CCR10: variants seen among roughly 807,000 people sequenced by gnomAD.
CCR10 encodes the protein C-C chemokine receptor type 10.
Under a neutral mutation model 11.9 loss-of-function variants are expected in CCR10, and 11 were observed. The ratio of observed to expected loss-of-function variants is 0.92; its 90% CI spans 0.58 to 1.53. The LOEUF (loss-of-function observed/expected upper bound fraction) is 1.53, where lower values mean the gene tolerates loss of function less well. Ranked by LOEUF, CCR10 falls within the 40% of genes most tolerant of loss-of-function variation. The pLI, the probability that CCR10 is intolerant of heterozygous loss-of-function variation, is 0.00. For missense variants in CCR10, 428 were observed against 496.6 expected (o/e 0.86, Z 1.31); for synonymous variants, 224 against 245.4 (o/e 0.91, Z 0.81).
intron 1 of CCR10, chr17:42,681,484 G>T: frequency 2.1e-6 from 1 of 476,800 alleles, no homozygotes; most frequent in Non-Finnish European, 3.8e-6. Flanking sequence ...CACCTTCCCT[G>T]TACCTCCAAT....
At chr17:42,681,382 T>C in intron 1 of CCR10, 1 of 231,330 alleles carries the variant, frequency 4.3e-6, no homozygotes, top group South Asian at 5.7e-5. Flanking sequence ...CCTGGAAGGA[T>C]GCCCATATGC....
chr17:42,680,896 T>C (rs1359148936), intron 1 of CCR10, among the ~76,000 whole-genome samples: 1 of 152,184 alleles, frequency 6.6e-6, no homozygotes, highest in African/African-American at 2.4e-5. Context: ...GTTGAGATTA[T>C]AAATCCTGAC....
chr17:42,681,800 C>A lies in CCR10; in HGVS notation c.24G>T (p.Gln8His). The change falls in exon 1 of 2, where the codon CAG (glutamine) becomes CAT (histidine). Residue 8 changes from glutamine to histidine, a missense_variant and splice_region_variant. Coordinates refer to ENST00000332438, the MANE Select transcript of CCR10 (RefSeq NM_016602.3). ...TCCCCCTCCCTGCCCCCACTCCCAC[C>A]TGCTCTGTGGCCTCCGTCCCCATCT... MGTEATEQVSWGHYSGDE... is the reference protein window; with the variant it reads MGTEATEHVSWGHYSGDE... 2 of 1,611,708 alleles carry A rather than the reference C, an allele frequency of 1.2e-6. No homozygotes were observed. The highest frequency in any genetic ancestry group is 1.7e-6 in the Non-Finnish European group (2 of 1,177,888).
At position 42,680,204 on chromosome 17, in the gene CCR10, G is replaced by T; in HGVS notation, c.438C>A (p.Leu146=). The T allele has an allele frequency of 6.2e-7, 1 of 1,603,328 alleles. No individual in the cohort carries two copies. Among genetic ancestry groups the T allele is most frequent in the Non-Finnish European group, 8.5e-7 (1 of 1,175,706 alleles). ...ADRYVAIARA[L]PAGPRPSTPG... ...GAGTGGAGGGCCGCGGCCCGGCTGG[G>T]AGCGCTCGCGCGATGGCCACGTAGC... is the stretch of plus-strand genomic sequence containing the variant. The change falls in exon 2 of 2, where the codon CTC becomes CTA. Residue 146 remains leucine (L), a synonymous_variant. Transcript: ENST00000332438.
chr17:42,679,986 G>A lies in CCR10; in HGVS notation c.656C>T (p.Pro219Leu). ...VAQVALGFAL[P>L]LGVMVACYAL... ...GTAGCAGGCTACCATGACGCCCAGC[G>A]GCAGCGCGAAGCCCAGGGCCACCTG... Residue 219 changes from proline (P) to leucine (L), a missense_variant, in exon 2 of 2, where the codon CCG becomes CTG. By Grantham distance (98) the Pro-to-Leu change is moderately conservative. Coordinates refer to ENST00000332438, the MANE Select transcript of CCR10 (RefSeq NM_016602.3). The A allele has an allele frequency of 1.3e-6, 2 of 1,570,576 alleles. No individual in the cohort carries two copies. Among genetic ancestry groups the A allele is most frequent in the African/African-American group, 1.3e-5 (1 of 74,514 alleles).
At position 42,679,662 on chromosome 17, in the gene CCR10, C is replaced by A. The variant is rs1597799949; in HGVS notation, c.980G>T (p.Gly327Val). 1 of 1,508,566 alleles carries A rather than the reference C, an allele frequency of 6.6e-7. No individual in the cohort carries two copies. Among genetic ancestry groups the A allele is most frequent in the Non-Finnish European group, 8.8e-7 (1 of 1,132,024 alleles). The allele number at this position is 1,508,566 out of a possible 1,614,324, so 93.4% of individuals were successfully genotyped here. A position where few individuals can be genotyped will look rare whatever the true frequency, so the allele number is the denominator to read the frequency against. Reference sequence around the variant, plus strand: ...TTGAGGCCCTGAGGGGCAGCTCCCACCCCGTAGCAGCCTCCGCAGGTCCTG... The same window carrying A: ...TTGAGGCCCTGAGGGGCAGCTCCCAACCCGTAGCAGCCTCCGCAGGTCCTG... ...FRQDLRRLLR[G>V]GSCPSGPQPR... Residue 327 changes from glycine (G) to valine (V), a missense_variant, in exon 2 of 2, where the codon GGT (glycine) becomes GTT (valine). By Grantham distance (109) the Gly-to-Val change is moderately radical. Transcript: ENST00000332438.
Position 42,679,440 on chromosome 17 carries a change from T to A in CCR10, c.*113A>T. Reference sequence around the variant, plus strand: ...TCTCATTTCCATGTTATCAATTTAATGTGGCAAGGCACAGAGGTAGTCCCT... The same window carrying A: ...TCTCATTTCCATGTTATCAATTTAAAGTGGCAAGGCACAGAGGTAGTCCCT... On this transcript the variant is annotated 3_prime_UTR_variant, in exon 2 of 2. Coordinates refer to ENST00000332438, the MANE Select transcript of CCR10 (RefSeq NM_016602.3). 1.6e-6 allele frequency: 1 copy of A among 630,014 alleles called. No individual in the cohort carries two copies. The highest frequency in any genetic ancestry group is 2.6e-6 in the Non-Finnish European group (1 of 390,968). The allele number at this position is 630,014 out of a possible 1,614,324, so 39.0% of individuals were successfully genotyped here.
In CCR10 at chr17:42,679,329, G is replaced by T. The variant is rs1434233666; in HGVS notation, c.*224C>A. On this transcript the variant is annotated 3_prime_UTR_variant, in exon 2 of 2. Transcript: ENST00000332438. ...GGGGCAGGGCGGGGGGTGGGGCGGG[G>T]GCGGGGTGTTAACCCACCGGTTCTG... The T allele has an allele frequency of 5.1e-6, 2 of 388,798 alleles. No homozygotes were observed. The highest frequency in any genetic ancestry group is 9.1e-6 in the Non-Finnish European group (2 of 220,992). 24.1% of individuals were successfully genotyped at this position (388,798 alleles called of 1,614,324 possible). A position where few individuals can be genotyped will look rare whatever the true frequency, so the allele number is the denominator to read the frequency against.
rs762690482 is a variant in CCR10, at chr17:42,680,501, G to T, written c.141C>A (p.Val47=). 4 of 1,612,180 alleles carry T rather than the reference G, an allele frequency of 2.5e-6. No individual in the cohort carries two copies. Among genetic ancestry groups the T allele is most frequent in the Non-Finnish European group, 3.4e-6 (4 of 1,179,646 alleles). The part of the protein sequence containing the change: ...QAFSRAFQPS[V]SLTVAALGLA... Reference sequence around the variant, plus strand: ...GACCCAGCGCAGCCACGGTCAGGGAGACACTGGGTTGGAAGGCCCGGCTGA... The same window carrying T: ...GACCCAGCGCAGCCACGGTCAGGGATACACTGGGTTGGAAGGCCCGGCTGA... Residue 47 remains valine (V), a synonymous_variant, in exon 2 of 2, where the codon GTC becomes GTA. Coordinates refer to ENST00000332438, the MANE Select transcript of CCR10 (RefSeq NM_016602.3).
Position 42,679,608 on chromosome 17 carries a change from C to T in CCR10, c.1034G>A (p.Arg345His), listed in dbSNP as rs1183507023. ...CGTGGGAGCTGAGCAGGAAGAAAGG[C>T]GGGGCCGGCGGGGGCAGCCGCGGCG... ...QPRRGCPRRP[R>H]LSSCSAPTET... The change falls in exon 2 of 2, where the codon CGC becomes CAC. Residue 345 changes from arginine (R) to histidine (H), a missense_variant. Transcript: ENST00000332438. The T allele has an allele frequency of 6.7e-7, 1 of 1,483,242 alleles. No homozygotes were observed. The highest frequency in any genetic ancestry group is 8.9e-7 in the Non-Finnish European group (1 of 1,121,940). 91.9% of individuals were successfully genotyped at this position (1,483,242 alleles called of 1,614,324 possible).
At position 42,679,680 on chromosome 17, in the gene CCR10, A is replaced by G; in HGVS notation, c.962T>C (p.Leu321Pro). The G allele has an allele frequency of 2.6e-6, 4 of 1,521,086 alleles. No homozygotes were observed. In the East Asian group the frequency reaches 7.3e-5, roughly 28 times the overall value. 94.2% of individuals were successfully genotyped at this position (1,521,086 alleles called of 1,614,324 possible). A position where few individuals can be genotyped will look rare whatever the true frequency, so the allele number is the denominator to read the frequency against. The change falls in exon 2 of 2, where the codon CTG (leucine) becomes CCG (proline). Residue 321 changes from leucine (L) to proline (P), a missense_variant. Leu to Pro is a moderately conservative substitution (Grantham distance 98). Coordinates refer to ENST00000332438, the MANE Select transcript of CCR10 (RefSeq NM_016602.3). ...AFLGLRFRQDLRRLLRGGSCP... is the reference protein window; with the variant it reads ...AFLGLRFRQDPRRLLRGGSCP... ...GCTCCCACCCCGTAGCAGCCTCCGC[A>G]GGTCCTGGCGGAAGCGCAGGCCCAG...
At chr17:42,681,308 G>C (rs542616892) in intron 1 of CCR10, 1 of 162,698 alleles carries the variant, frequency 6.1e-6, no homozygotes, top group Non-Finnish European at 1.4e-5. Context: ...GAGCTACCAC[G>C]CCCAGCCCAA....
chr17:42,680,568 T>G lies in CCR10; in HGVS notation c.74A>C (p.Glu25Ala). Reference protein sequence around the residue: ...SGDEEDAYSAEPLPELCYKAD... With the variant: ...SGDEEDAYSAAPLPELCYKAD... ...CTTGTAGCAAAGCTCCGGCAGTGGC[T>G]CAGCCGAGTATGCGTCCTCTTCATC... The change falls in exon 2 of 2, where the codon GAG becomes GCG. Residue 25 changes from glutamate (E) to alanine (A), a missense_variant. By Grantham distance (107) the Glu-to-Ala change is moderately radical (BLOSUM62 -1). Transcript: ENST00000332438. 1.9e-6 allele frequency: 3 copies of G among 1,603,220 alleles called. No individual in the cohort carries two copies. Among genetic ancestry groups the G allele is most frequent in the Non-Finnish European group, 2.6e-6 (3 of 1,174,716 alleles).
chr17:42,680,111 C>G lies in CCR10; in HGVS notation c.531G>C (p.Leu177=), dbSNP rs2143635521. The change falls in exon 2 of 2, where the codon CTG becomes CTC. Residue 177 remains leucine, a synonymous_variant. Coordinates refer to ENST00000332438, the MANE Select transcript of CCR10 (RefSeq NM_016602.3). Reference sequence around the variant, plus strand: ...CCCGCTGCCCATCCTGGCTGAAGAGCAGCGCAGGCAGCGCCAGGAGCAGTG... The same window carrying G: ...CCCGCTGCCCATCCTGGCTGAAGAGGAGCGCAGGCAGCGCCAGGAGCAGTG... ...LLSLLLALPA[L]LFSQDGQREG... The G allele has an allele frequency of 1.2e-6, 2 of 1,611,752 alleles. No homozygotes were observed. The highest frequency in any genetic ancestry group is 2.2e-5 in the East Asian group (1 of 44,852).
Position 42,679,837 on chromosome 17 carries a change from G to C in CCR10, c.805C>G (p.Leu269Val). 1.9e-6 allele frequency: 3 copies of C among 1,606,972 alleles called. No individual in the cohort carries two copies. Among genetic ancestry groups the C allele is most frequent in the Non-Finnish European group, 2.5e-6 (3 of 1,178,146 alleles). The change falls in exon 2 of 2, where the codon CTG (leucine) becomes GTG (valine). Residue 269 changes from leucine to valine, a missense_variant. Leu to Val is a conservative substitution (Grantham distance 32). Transcript: ENST00000332438. ...GCAGCCAGTAGATCGGCAGTATCCA[G>C]CAGCAGGGCGAGGCTGTAGGGCAGC... ...LQLPYSLALL[L>V]DTADLLAARE...
At position 42,680,401 on chromosome 17, in the gene CCR10, G is replaced by C. The variant is rs781087741; in HGVS notation, c.241C>G (p.Leu81Val). ...AGGTCGGCCAGGGCCAGCTGGAGCA[G>C]GTGGGCAGAGGTGGGCGAGCGCGCT... is the stretch of plus-strand genomic sequence containing the variant. Reference protein sequence around the residue: ...RAARSPTSAHLLQLALADLLL... With the variant: ...RAARSPTSAHVLQLALADLLL... The change falls in exon 2 of 2, where the codon CTG (leucine) becomes GTG (valine). Residue 81 changes from leucine (L) to valine (V), a missense_variant. Transcript: ENST00000332438. 107 of 1,561,520 alleles carry C rather than the reference G, an allele frequency of 6.9e-5. 1 individual carries two copies. The highest frequency in any genetic ancestry group is 9.0e-5 in the Non-Finnish European group (104 of 1,153,070).
chr17:42,678,951 G>C lies in CCR10; in HGVS notation c.*602C>G, dbSNP rs2052896663. ...AGACACTAGGAAGGGATTGTAAAGT[G>C]GTTATGAAATCCAAACGCCCACCAA... On this transcript the variant is annotated 3_prime_UTR_variant, in exon 2 of 2. Coordinates refer to ENST00000332438, the MANE Select transcript of CCR10 (RefSeq NM_016602.3). 6.6e-6 allele frequency: 1 copy of C among 152,248 alleles called. No homozygotes were observed. The highest frequency in any genetic ancestry group is 2.4e-5 in the African/African-American group (1 of 41,418). 9.4% of individuals were successfully genotyped at this position (152,248 alleles called of 1,614,324 possible). A position where few individuals can be genotyped will look rare whatever the true frequency, so the allele number is the denominator to read the frequency against.
chr17:42,679,542 G>A lies in CCR10; in HGVS notation c.*11C>T, dbSNP rs1389801460. ...GACCCTCAGCCTGCCCCCTCCTCTA[G>A]ATTCGCAGCCCTAGTTGTCCCAGGA... On this transcript the variant is annotated 3_prime_UTR_variant, in exon 2 of 2. Coordinates refer to ENST00000332438, the MANE Select transcript of CCR10 (RefSeq NM_016602.3). The A allele has an allele frequency of 6.9e-7, 1 of 1,448,552 alleles. No individual in the cohort carries two copies. Among genetic ancestry groups the A allele is most frequent in the African/African-American group, 1.5e-5 (1 of 66,942 alleles). The allele number at this position is 1,448,552 out of a possible 1,614,324, so 89.7% of individuals were successfully genotyped here.
chr17:42,681,582 G>A (rs1172298030), intron 1 of CCR10: 7 of 623,892 alleles, frequency 1.1e-5, no homozygotes, highest in Non-Finnish European at 2.1e-5. Context: ...GGACCTCTAG[G>A]TTCAACCCGC....
Sources: gnomAD v4.1 joint callset for allele counts (sites outside exome capture counted in the v4.1 genomes callset) on GRCh38, gnomAD v4.1.1 for gene constraint, MANE v1.5 for transcripts, NCBI Gene and HGNC (gene_info 2026-07-23, HGNC 2026-07-21) for gene names.